IL31RA: variants seen among roughly 807,000 people sequenced by gnomAD.
The protein encoded by IL31RA is interleukin-31 receptor subunit alpha.
Under a neutral mutation model 83.7 loss-of-function variants are expected in IL31RA, and 66 were observed. The observed-to-expected ratio is 0.79, with a 90% CI of 0.65 to 0.97. The LOEUF (loss-of-function observed/expected upper bound fraction) is 0.97, where lower values mean the gene tolerates loss of function less well. IL31RA is among the 50% of genes least tolerant of loss of function. The pLI, the probability that IL31RA is intolerant of heterozygous loss-of-function variation, is 0.00. For synonymous variants in IL31RA, 325 were observed against 329.0 expected (o/e 0.99, Z 0.13); for missense variants, 798 against 919.4 (o/e 0.87, Z 1.71).
At chr5:55,897,730 G>C (rs1004107203) in intron 7 of IL31RA, among the ~76,000 whole-genome samples, 1 of 152,012 alleles carries the variant, frequency 6.6e-6, no homozygotes, top group South Asian at 2.1e-4. Context: ...AAAATGGGGG[G>C]ACAAGGGAAT....
chr5:55,887,882 C>CAA (rs1278747916), intron 5 of IL31RA, among the ~76,000 whole-genome samples: 2 of 135,696 alleles, frequency 1.5e-5, no homozygotes, highest in African/African-American at 5.4e-5. Context: ...GACTCTGTCT[C>CAA]AAAAAAAAAA....
Position 55,890,099 on chromosome 5 carries a change from T to A in IL31RA, c.736T>A (p.Trp246Arg), listed in dbSNP as rs764824390. ...AVKESKFWSD[W>R]SQEKMGMTEE... Reference sequence around the variant, plus strand: ...CAAGGAGTCAAAGTTCTGGAGTGACTGGAGCCAAGAAAAAATGGGAATGAC... The same window carrying A: ...CAAGGAGTCAAAGTTCTGGAGTGACAGGAGCCAAGAAAAAATGGGAATGAC... Residue 246 changes from tryptophan to arginine, a missense_variant, in exon 6 of 15, where the codon TGG becomes AGG. Transcript: ENST00000652347. 8 of 1,613,896 alleles carry A rather than the reference T, an allele frequency of 5.0e-6. No homozygotes were observed. In the South Asian group the frequency reaches 8.8e-5, roughly 18 times the overall value.
rs116686877 is a variant in IL31RA at position 55,914,598 on chromosome 5, G to A, written c.1737-249G>A. ...CAGGTATGGAGATGCTGGGATGGGAGAGAGGGGAAGATAGGCTTTGTATGG... is the reference window on the plus strand; with the variant it reads ...CAGGTATGGAGATGCTGGGATGGGAAAGAGGGGAAGATAGGCTTTGTATGG... On this transcript the variant is annotated intron_variant, in intron 13 of 14. Coordinates refer to ENST00000652347, the MANE Select transcript of IL31RA (RefSeq NM_139017.7). 4.9e-3 allele frequency among the ~76,000 whole-genome samples: 743 copies of A among 152,324 alleles called. 11 individuals are homozygous for A. Among genetic ancestry groups the A allele is most frequent in the African/African-American group, 0.016 (645 of 41,576 alleles).
Position 55,922,787 on chromosome 5 carries a change from A to G in IL31RA, c.*5667A>G, listed in dbSNP as rs1481824169. 2.6e-5 allele frequency: 6 copies of G among 229,142 alleles called. No individual in the cohort carries two copies. Among genetic ancestry groups the G allele is most frequent in the Non-Finnish European group, 5.1e-5 (6 of 117,778 alleles). 14.2% of individuals were successfully genotyped at this position (229,142 alleles called of 1,614,324 possible). A position where few individuals can be genotyped will look rare whatever the true frequency, so the allele number is the denominator to read the frequency against. On this transcript the variant is annotated 3_prime_UTR_variant, in exon 15 of 15. Coordinates refer to ENST00000652347, the MANE Select transcript of IL31RA (RefSeq NM_139017.7). Reference sequence around the variant, plus strand: ...TATACTTCTATACTATTTTCATGTAATACTATACTTCTATACTATTTTCAT... The same window carrying G: ...TATACTTCTATACTATTTTCATGTAGTACTATACTTCTATACTATTTTCAT...
chr5:55,855,768 C>T (rs905619999), intron 1 of IL31RA, among the ~76,000 whole-genome samples: 2 of 152,338 alleles, frequency 1.3e-5, no homozygotes, highest in South Asian at 2.1e-4. Flanking sequence ...TCCATCTTTG[C>T]TTTCTTCTCG....
At position 55,918,509 on chromosome 5, in the gene IL31RA, G is replaced by C. The variant is rs908465839; in HGVS notation, c.*1389G>C. 6.6e-6 allele frequency among the ~76,000 whole-genome samples: 1 copy of C among 152,166 alleles called. No individual in the cohort carries two copies. The highest frequency in any genetic ancestry group is 1.5e-5 in the Non-Finnish European group (1 of 68,034). On this transcript the variant is annotated 3_prime_UTR_variant, in exon 15 of 15. Transcript: ENST00000652347. ...AGGTTTGTGACTCAGTCACATTTGG[G>C]GTTTTGCCCTCCCCTGTCCTGCCTG...
intron 14 of IL31RA, 47 bp downstream of exon 14, chr5:55,914,975 G>A: frequency 7.1e-7 from 1 of 1,405,480 alleles, no homozygotes; most frequent in Non-Finnish European, 1.0e-6. Context: ...GTGGGAGGTA[G>A]ACGAGGTGAA....
At chr5:55,862,443 G>A (rs1001379093) in intron 2 of IL31RA, among the ~76,000 whole-genome samples, 4 of 151,764 alleles carry the variant, frequency 2.6e-5, no homozygotes, top group Non-Finnish European at 4.4e-5. Flanking sequence ...TCGCTCTGTC[G>A]CCCTGGCTGG....
Position 55,916,716 on chromosome 5 carries a change from C to A in IL31RA, c.1891C>A (p.Pro631Thr). ...CAGGATCTTAAAACCATGTTCCACC[C>A]CCAGTGACAAGTTGGTGATTGACAA... ...EDRILKPCST[P>T]SDKLVIDKLV... The change falls in exon 15 of 15, where the codon CCC (proline) becomes ACC (threonine). Residue 631 changes from proline to threonine, a missense_variant. Pro to Thr is a conservative substitution (Grantham distance 38). Coordinates refer to ENST00000652347, the MANE Select transcript of IL31RA (RefSeq NM_139017.7). The A allele has an allele frequency of 6.2e-7, 1 of 1,614,144 alleles. No individual in the cohort carries two copies.
intron 4 of IL31RA, among the ~76,000 whole-genome samples, chr5:55,879,580 G>A (rs112007727): frequency 0.012 from 1,811 of 151,366 alleles, 43 homozygotes; most frequent in African/African-American, 0.042. Flanking sequence ...CTACAGGCAC[G>A]CACCACCATA....
Position 55,907,372 on chromosome 5 carries a change from T to C in IL31RA, c.1266T>C (p.Pro422=). 1 of 1,611,998 alleles carries C rather than the reference T, an allele frequency of 6.2e-7. No individual in the cohort carries two copies. Among genetic ancestry groups the C allele is most frequent in the African/African-American group, 1.3e-5 (1 of 75,004 alleles). ...NWTIQQDKLK[P]FWCYNISVYP... is the part of the protein sequence containing the mutation. Reference sequence around the variant, plus strand: ...TCTTTTTCACAGATAAATTAAAACCTTTCTGGTGCTATAACATCTCTGTGT... The same window carrying C: ...TCTTTTTCACAGATAAATTAAAACCCTTCTGGTGCTATAACATCTCTGTGT... Residue 422 remains proline (P), a synonymous_variant, in exon 10 of 15, where the codon CCT becomes CCC. Coordinates refer to ENST00000652347, the MANE Select transcript of IL31RA (RefSeq NM_139017.7).
intron 12 of IL31RA, among the ~76,000 whole-genome samples, chr5:55,911,460 A>C (rs958704956): frequency 1.3e-5 from 2 of 152,212 alleles, no homozygotes; most frequent in Non-Finnish European, 2.9e-5. Context: ...CTACTGACCC[A>C]TAGGAAGGGG....
At chr5:55,899,542 A>C (rs560024289) in intron 7 of IL31RA, among the ~76,000 whole-genome samples, 1 of 152,370 alleles carries the variant, frequency 6.6e-6, no homozygotes, top group South Asian at 2.1e-4. Flanking sequence ...GAGATGACTC[A>C]GAGCCAGACC....
intron 3 of IL31RA, among the ~76,000 whole-genome samples, chr5:55,871,796 A>G (rs1440110284): frequency 1.3e-5 from 2 of 151,654 alleles, no homozygotes; most frequent in African/African-American, 2.4e-5. Flanking sequence ...GCATCTTTCC[A>G]TATCAATAAA....
At chr5:55,847,418 C>T (rs1424555916), upstream of IL31RA, among the ~76,000 whole-genome samples, 2 of 151,918 alleles carry the variant, frequency 1.3e-5, no homozygotes, top group Non-Finnish European at 2.9e-5. Flanking sequence ...CCTGTCTCTA[C>T]TAAAAATACA....
the IL31RA span, among the ~76,000 whole-genome samples, chr5:55,841,290 A>G: frequency 6.6e-6 from 1 of 152,182 alleles, no homozygotes; most frequent in African/African-American, 2.4e-5. Context: ...CAATCAATTT[A>G]CACTTTGAAT....
At chr5:55,866,906 G>A (rs999388288) in intron 2 of IL31RA, among the ~76,000 whole-genome samples, 12 of 152,234 alleles carry the variant, frequency 7.9e-5, no homozygotes, top group African/African-American at 1.4e-4. Context: ...CCTAGGAAGC[G>A]CTAGACCTTC....
At chr5:55,894,748 G>C in intron 6 of IL31RA, among the ~76,000 whole-genome samples, 1 of 152,192 alleles carries the variant, frequency 6.6e-6, no homozygotes, top group East Asian at 1.9e-4. Context: ...GACACGACTC[G>C]CTCTGTTTCC....
At chr5:55,859,935 T>A (rs565772212) in intron 2 of IL31RA, among the ~76,000 whole-genome samples, 29 of 152,340 alleles carry the variant, frequency 1.9e-4, no homozygotes, top group African/African-American at 7.0e-4. Context: ...CCTGAAACTG[T>A]GGATAGTACC....
Sources: gnomAD v4.1 joint callset for allele counts (sites outside exome capture counted in the v4.1 genomes callset) on GRCh38, gnomAD v4.1.1 for gene constraint, MANE v1.5 for transcripts, NCBI Gene and HGNC (gene_info 2026-07-23, HGNC 2026-07-21) for gene names.